Variants in DMD observed in about 807,000 individuals in gnomAD.
The protein encoded by DMD is mutant dystrophin.
Under a neutral mutation model 330.1 loss-of-function variants are expected in DMD, and 63 were observed. The observed-to-expected ratio is 0.19, with a 90% CI of 0.16 to 0.24. DMD has a LOEUF of 0.24. Ranked by LOEUF, DMD falls within the 10% of genes least tolerant of loss-of-function variation. The pLI is 1.00. For missense variants in DMD, 3,344 were observed against 2,684.1 expected, an observed-to-expected ratio of 1.25 and a Z score of -5.43; for synonymous variants, 1,223 against 959.8, an observed-to-expected ratio of 1.27 and a Z score of -5.07.
chrX:32,341,138 G>T (rs886721663), intron 41 of DMD, among the ~76,000 whole-genome samples: 1 of 111,487 alleles, frequency 9.0e-6, no homozygotes, highest in Non-Finnish European at 1.9e-5. Context: ...CTCATACATG[G>T]GCTGAACCCT....
intron 24 of DMD, 63 bp downstream of exon 24, chrX:32,464,523 G>T: frequency 1.1e-6 from 1 of 899,061 alleles, no homozygotes; most frequent in Non-Finnish European, 1.6e-6. Context: ...GTAAAACACT[G>T]ATCTAACCAA....
rs1161399974 is a variant in DMD at position 31,374,338 on chromosome X, C to G, written c.9085-25704G>C. Among the ~76,000 whole-genome samples the G allele has an allele frequency of 2.9e-5, 3 of 104,990 alleles. No individual in the cohort carries two copies. The East Asian group carries it at 9.1e-4, about 32-fold the overall frequency. The allele number at this position is 104,990 out of a possible 115,157, so 91.2% of individuals were successfully genotyped here. On this transcript the variant is annotated intron_variant, in intron 60 of 78. Transcript: ENST00000357033. ...CATTACTGGGTATATACCCAAAGGA[C>G]TATAAATCATGCTGCTATAAAGACA...
At chrX:32,419,093 G>A (rs2098178866) in intron 29 of DMD, among the ~76,000 whole-genome samples, 1 of 109,750 alleles carries the variant, frequency 9.1e-6, no homozygotes, top group Admixed American at 9.8e-5. Context: ...ATTTCATATG[G>A]TGTTAAGTAA....
intron 54 of DMD, among the ~76,000 whole-genome samples, chrX:31,655,794 C>T (rs761914444): frequency 1.8e-5 from 2 of 111,260 alleles, no homozygotes; most frequent in Admixed American, 9.6e-5. Flanking sequence ...TCTTGGACTT[C>T]GCAGCCTCCA....
chrX:31,622,280 A>G (rs974464431), intron 55 of DMD, among the ~76,000 whole-genome samples: 26 of 110,822 alleles, frequency 2.3e-4, no homozygotes, highest in African/African-American at 8.6e-4. Context: ...AAAGTGATCC[A>G]GTATTTCCAC....
chrX:32,381,517 T>A (rs3788904), intron 33 of DMD, among the ~76,000 whole-genome samples: 1 of 109,898 alleles, frequency 9.1e-6, no homozygotes, highest in African/African-American at 3.3e-5. Flanking sequence ...CTAAAGGCAG[T>A]CAAATCATCA....
Position 32,697,983 on chromosome X carries a change from C to A in DMD, c.847G>T (p.Ala283Ser), listed in dbSNP as rs2063779396. The A allele has an allele frequency of 8.4e-7, 1 of 1,193,773 alleles. No homozygotes were observed. The highest frequency in any genetic ancestry group is 3.0e-5 in the East Asian group (1 of 33,125). Residue 283 changes from alanine to serine, a missense_variant, in exon 9 of 79, where the codon GCA becomes TCA. Coordinates refer to ENST00000357033, the MANE Select transcript of DMD (RefSeq NM_004006.3). ...GAAGAAGTTCTCTCATATCCCTGTGCTAGACTGACCGTGATCTGCAGAGAA... is the reference window on the plus strand; with the variant it reads ...GAAGAAGTTCTCTCATATCCCTGTGATAGACTGACCGTGATCTGCAGAGAA... ...HYSQQITVSL[A>S]QGYERTSSPK...
At chrX:32,491,036 C>T (rs888050396) in intron 20 of DMD, among the ~76,000 whole-genome samples, 1 of 112,412 alleles carries the variant, frequency 8.9e-6, no homozygotes, top group Middle Eastern at 4.6e-3. Context: ...CTCATGCTTA[C>T]GCAAACCGAC....
At chrX:32,035,409 T>C in intron 44 of DMD, 1 of 140,874 alleles carries the variant, frequency 7.1e-6, no homozygotes, top group Non-Finnish European at 1.4e-5. Context: ...TTAAACTCTT[T>C]AGTTATTTGG....
chrX:32,703,158 C>G (rs900416952), intron 7 of DMD, among the ~76,000 whole-genome samples: 3 of 111,411 alleles, frequency 2.7e-5, no homozygotes, highest in African/African-American at 9.8e-5. Flanking sequence ...AAGCTATCAT[C>G]ATCCTATTCC....
chrX:32,836,157 C>A (rs11095242), intron 4 of DMD, among the ~76,000 whole-genome samples: 47,685 of 107,077 alleles, frequency 0.45, 8,162 homozygotes, highest in African/African-American at 0.55. Flanking sequence ...TCAGCCTCCC[C>A]AGTAGCTGGA....
chrX:31,551,265 G>T (rs1200297201), intron 55 of DMD, among the ~76,000 whole-genome samples: 1 of 110,374 alleles, frequency 9.1e-6, no homozygotes, highest in East Asian at 2.8e-4. Flanking sequence ...ATGCTCTGAG[G>T]ATCTTTGGAA....
At chrX:31,638,454 T>C (rs1271650520) in intron 54 of DMD, among the ~76,000 whole-genome samples, 2 of 112,253 alleles carry the variant, frequency 1.8e-5, no homozygotes, top group African/African-American at 6.5e-5. Context: ...CATCACCACC[T>C]GACACTGGTC....
chrX:31,146,368 G>A lies in DMD; in HGVS notation c.10844C>T (p.Ser3615Phe), dbSNP rs2036696118. ...KVNGTTVSSPSTSLQRSDSSQ... is the reference protein window; with the variant it reads ...KVNGTTVSSPFTSLQRSDSSQ... ...GCTGTCGGACCTCTGTAGAGAGGTA[G>A]AAGGAGAGGACACCGTTGTGCCATT... The change falls in exon 76 of 79, where the codon TCT becomes TTT. Residue 3615 changes from serine (S) to phenylalanine (F), a missense_variant. Ser to Phe is a radical substitution (Grantham distance 155). Coordinates refer to ENST00000357033, the MANE Select transcript of DMD (RefSeq NM_004006.3). 8.3e-7 allele frequency: 1 copy of A among 1,208,136 alleles called. No individual in the cohort carries two copies.
intron 9 of DMD, among the ~76,000 whole-genome samples, chrX:32,649,317 G>A (rs2059980234): frequency 9.1e-6 from 1 of 109,891 alleles, no homozygotes; most frequent in Non-Finnish European, 1.9e-5. Flanking sequence ...CACTTTGGGA[G>A]GCTGAGGCAG....
At chrX:31,654,223 T>C (rs2080638259) in intron 54 of DMD, among the ~76,000 whole-genome samples, 1 of 112,174 alleles carries the variant, frequency 8.9e-6, no homozygotes, top group African/African-American at 3.2e-5. Context: ...AAAGATTTTA[T>C]TACTAATTTA....
At chrX:32,209,183 A>T (rs2032419) in intron 44 of DMD, among the ~76,000 whole-genome samples, 17,228 of 111,004 alleles carry the variant, frequency 0.16, 1,699 homozygotes, top group East Asian at 0.36. Context: ...CAAGTGACAG[A>T]GTTATGAAGA....
intron 54 of DMD, among the ~76,000 whole-genome samples, chrX:31,643,045 T>C (rs1048895345): frequency 8.9e-5 from 10 of 111,973 alleles, no homozygotes; most frequent in Non-Finnish European, 1.3e-4. Context: ...CTCTTTTACT[T>C]CCCTGCTGTA....
chrX:32,270,812 A>G (rs1168642875), intron 43 of DMD, among the ~76,000 whole-genome samples: 1 of 111,442 alleles, frequency 9.0e-6, no homozygotes, highest in African/African-American at 3.3e-5. Flanking sequence ...ATTCTGAATC[A>G]GAGATTACTC....
Sources: allele counts gnomAD v4.1 joint callset (sites outside exome capture counted in the v4.1 genomes callset), GRCh38; gene constraint gnomAD v4.1.1; transcripts MANE v1.5; gene names NCBI Gene and HGNC (gene_info 2026-07-23, HGNC 2026-07-21).